DIP2A: variants seen among roughly 807,000 people sequenced by gnomAD.
DIP2A encodes the protein disco-interacting protein 2 homolog A.
A neutral mutation model predicts 177.4 loss-of-function variants in DIP2A; 85 were observed. That is an observed-to-expected ratio of 0.48 (90% confidence interval 0.40 to 0.57). DIP2A has a LOEUF of 0.57. Among genes scored for constraint, DIP2A ranks in the 20% least tolerant of loss-of-function variants. The pLI, the probability that DIP2A is intolerant of heterozygous loss-of-function variation, is 0.00. For missense variants in DIP2A, 1,791 were observed against 2,100.2 expected (o/e 0.85, Z 2.88); for synonymous variants, 886 against 881.8 (o/e 1.00, Z -0.08).
Position 46,557,476 on chromosome 21 carries a change from A to G in DIP2A, c.3630-109A>G, listed in dbSNP as rs906659631. 14 of 1,339,532 alleles carry G rather than the reference A, an allele frequency of 1.0e-5. No individual in the cohort carries two copies. Among genetic ancestry groups the G allele is most frequent in the South Asian group, 1.5e-5 (1 of 68,452 alleles). 83.0% of individuals were successfully genotyped at this position (1,339,532 alleles called of 1,614,324 possible). A position where few individuals can be genotyped will look rare whatever the true frequency, so the allele number is the denominator to read the frequency against. ...CCCCCCACTTGGCGTCAGAACAGAA[A>G]TCATGCCCCTGTTGTGGCTGGAAAA... On this transcript the variant is annotated intron_variant, in intron 30 of 37. Transcript: ENST00000417564. The surrounding 1 kb of genome is among the most constrained non-coding windows in gnomAD (Gnocchi z 6.0).
chr21:46,552,145 T>G (rs2060298300), intron 25 of DIP2A, among the ~76,000 whole-genome samples: 3 of 152,250 alleles, frequency 2.0e-5, no homozygotes, highest in Admixed American at 2.0e-4. Flanking sequence ...TCCACACATT[T>G]CACACAATAG....
intron 1 of DIP2A, among the ~76,000 whole-genome samples, chr21:46,477,585 T>C (rs2056002831): frequency 2.5e-5 from 1 of 40,292 alleles, no homozygotes; most frequent in South Asian, 6.8e-4. Context: ...TTTTTTTTTT[T>C]TTTCTTGAGT....
chr21:46,560,219 A>G (rs1017162194), intron 32 of DIP2A, among the ~76,000 whole-genome samples: 1 of 152,204 alleles, frequency 6.6e-6, no homozygotes, highest in African/African-American at 2.4e-5. Flanking sequence ...AATGACACAT[A>G]ATGTCCTTTA....
chr21:46,561,564 CTT>C (rs2060663623), intron 33 of DIP2A, 182 bp from the exon 34 acceptor site: 2 of 781,198 alleles, frequency 2.6e-6, no homozygotes, highest in Non-Finnish European at 4.3e-6. Flanking sequence ...GGTGGCGGCA[CTT>C]GGGACCGCAG....
intron 7 of DIP2A, 48 bp downstream of exon 7, chr21:46,509,424 G>T: frequency 6.4e-7 from 1 of 1,565,934 alleles, no homozygotes; most frequent in Non-Finnish European, 8.6e-7. Context: ...GAAAAGGGTG[G>T]CCACGAAGTT....
chr21:46,477,681 C>T (rs1171601587), intron 1 of DIP2A, among the ~76,000 whole-genome samples: 1 of 149,560 alleles, frequency 6.7e-6, no homozygotes, highest in Non-Finnish European at 1.5e-5. Context: ...TCAAGTGATT[C>T]TCCTGCCTCA....
chr21:46,516,649 CA>C (rs2058594890), intron 8 of DIP2A, among the ~76,000 whole-genome samples: 1 of 151,800 alleles, frequency 6.6e-6, no homozygotes, highest in South Asian at 2.1e-4. Context: ...CCTGCCACCG[CA>C]CCCAGCTAAT....
intron 17 of DIP2A, among the ~76,000 whole-genome samples, chr21:46,540,338 G>C (rs1271198999): frequency 6.6e-6 from 1 of 152,146 alleles, no homozygotes; most frequent in African/African-American, 2.4e-5. Context: ...GAGTCTGTGG[G>C]AACCACTGAC....
At chr21:46,521,088 CATT>C (rs2058802602) in intron 8 of DIP2A, among the ~76,000 whole-genome samples, 1 of 152,212 alleles carries the variant, frequency 6.6e-6, no homozygotes, top group African/African-American at 2.4e-5. Context: ...ATCCTTTACT[CATT>C]AATAGAAGGA....
intron 1 of DIP2A, among the ~76,000 whole-genome samples, chr21:46,475,783 C>G (rs1465322131): frequency 6.6e-6 from 1 of 152,228 alleles, no homozygotes; most frequent in Non-Finnish European, 1.5e-5. Flanking sequence ...CATTTGTCAT[C>G]TTCCCAACTT....
chr21:46,572,245 A>G (rs974271204), downstream of DIP2A, among the ~76,000 whole-genome samples: 1 of 152,244 alleles, frequency 6.6e-6, no homozygotes, highest in Non-Finnish European at 1.5e-5. Flanking sequence ...AAACTTAAAA[A>G]CATTTGAAAG....
chr21:46,546,870 T>C lies in DIP2A; in HGVS notation c.2395-45T>C, dbSNP rs369520660. 2.4e-5 allele frequency: 38 copies of C among 1,606,780 alleles called. 1 individual carries two copies. The highest frequency in any genetic ancestry group is 2.0e-4 in the Admixed American group (12 of 59,552). ...TGACCATGGTCCTGGCGCATCCAGCTTCTGCCCGTGTGGGTGGAGTCTTGA... is the reference window on the plus strand; with the variant it reads ...TGACCATGGTCCTGGCGCATCCAGCCTCTGCCCGTGTGGGTGGAGTCTTGA... On this transcript the variant is annotated intron_variant, in intron 20 of 37. Transcript: ENST00000417564.
chr21:46,550,858 G>T, intron 23 of DIP2A, 114 bp downstream of exon 23: 2 of 1,132,452 alleles, frequency 1.8e-6, no homozygotes, highest in Non-Finnish European at 2.5e-6. Context: ...CGTCTTTGGG[G>T]CTGGGGTCAA....
intron 8 of DIP2A, among the ~76,000 whole-genome samples, chr21:46,514,644 T>TG (rs2058486260): frequency 2.7e-5 from 3 of 109,826 alleles, no homozygotes; most frequent in African/African-American, 1.1e-4. Context: ...TTTTTTTGGT[T>TG]TTTTTTTTTT....
chr21:46,537,491 A>T lies in DIP2A; in HGVS notation c.1753A>T (p.Met585Leu). ...MHVVSVPYAL[M>L]KANPLSWIQK... The stretch of plus-strand genomic sequence containing the variant: ...CGTGGTCAGCGTCCCCTACGCGCTG[A>T]TGAAGGCGAACCCACTCTCCTGGAT... Residue 585 changes from methionine (M) to leucine (L), a missense_variant, in exon 15 of 38, where the codon ATG becomes TTG. Physicochemically the swap from Met to Leu is conservative, Grantham distance 15. Transcript: ENST00000417564. The surrounding 1 kb of genome is among the most constrained non-coding windows in gnomAD (Gnocchi z 4.1). 1 of 1,614,230 alleles carries T rather than the reference A, an allele frequency of 6.2e-7. No individual in the cohort carries two copies. The highest frequency in any genetic ancestry group is 8.5e-7 in the Non-Finnish European group (1 of 1,180,050).
At position 46,567,490 on chromosome 21, in the gene DIP2A, C is replaced by T. The variant is rs749118833; in HGVS notation, c.4584C>T (p.Val1528=). The change falls in exon 38 of 38, where the codon GTC becomes GTT. Residue 1528 remains valine, a synonymous_variant. Coordinates refer to ENST00000417564, the MANE Select transcript of DIP2A (RefSeq NM_015151.4). ...TNVVLEEHYL[V]VGVVVIVDPG... ...TGGTGCTGGAGGAGCACTACCTGGT[C>T]GTGGGAGTGGTGGTCATCGTGGACC... 8 of 1,613,808 alleles carry T rather than the reference C, an allele frequency of 5.0e-6. No homozygotes were observed. The East Asian group carries it at 6.7e-5, about 13-fold the overall frequency.
At chr21:46,511,717 A>G in intron 8 of DIP2A, 103 bp downstream of exon 8, 1 of 1,231,288 alleles carries the variant, frequency 8.1e-7, no homozygotes, top group Non-Finnish European at 1.1e-6. Flanking sequence ...CTGAGAAACC[A>G]GCACAGCTGG....
In DIP2A at chr21:46,546,159, C is replaced by CTGCA. The variant is rs796956480; in HGVS notation, c.2394+199_2394+202dup. On this transcript the variant is annotated intron_variant, in intron 20 of 37. Coordinates refer to ENST00000417564, the MANE Select transcript of DIP2A (RefSeq NM_015151.4). ...ACACCTCCGAGACTGGTGCACAGTC[C>CTGCA]TGCACACAGGCCTGAGTCGGGGGTC... 7.9e-6 allele frequency: 11 copies of CTGCA among 1,397,448 alleles called. No homozygotes were observed. The African/African-American group carries it at 1.4e-4, about 18-fold the overall frequency. 86.6% of individuals were successfully genotyped at this position (1,397,448 alleles called of 1,614,324 possible).
At position 46,537,746 on chromosome 21, in the gene DIP2A, A is replaced by C. The variant is rs1323514714; in HGVS notation, c.1801+207A>C. Among the ~76,000 whole-genome samples, 1 of 152,110 alleles carries C rather than the reference A, an allele frequency of 6.6e-6. No individual in the cohort carries two copies. The highest frequency in any genetic ancestry group is 6.5e-5 in the Admixed American group (1 of 15,268). On this transcript the variant is annotated intron_variant, in intron 15 of 37. Transcript: ENST00000417564. This position sits in a 1 kb window ranked among gnomAD's most constrained non-coding sequence, Gnocchi z 4.1. ...CATGGCCCTCAGGGTTTCGTGGGTGATGTGGTAAGTAGGGCCACTTGGTGG... is the reference window on the plus strand; with the variant it reads ...CATGGCCCTCAGGGTTTCGTGGGTGCTGTGGTAAGTAGGGCCACTTGGTGG...
Sources: gnomAD v4.1 joint callset for allele counts (sites outside exome capture counted in the v4.1 genomes callset) on GRCh38, gnomAD v4.1.1 for gene constraint, Gnocchi (gnomAD v3.1) non-coding constraint, MANE v1.5 for transcripts, NCBI Gene and HGNC (gene_info 2026-07-23, HGNC 2026-07-21) for gene names.